The following CCDC3 variants were observed in gnomAD, a reference collection of about 807,000 sequenced individuals.
CCDC3 encodes coiled-coil domain containing 3, also known as coiled-coil domain-containing protein 3.
Under a neutral mutation model 21.4 loss-of-function variants are expected in CCDC3, and 24 were observed. The observed-to-expected ratio is 1.12, with a 90% confidence interval of 0.81 to 1.58. The LOEUF is 1.58. Ranked by LOEUF, CCDC3 falls within the 40% of genes most tolerant of loss-of-function variation. The pLI, the probability that CCDC3 is intolerant of heterozygous loss-of-function variation, is 0.00. For synonymous variants in CCDC3, 186 were observed against 166.0 expected, an observed-to-expected ratio of 1.12 and a Z score of -0.93; for missense variants, 425 against 360.9, an observed-to-expected ratio of 1.18 and a Z score of -1.44.
At chr10:12,997,231 G>A (rs1835775029) in intron 2 of CCDC3, among the ~76,000 whole-genome samples, 1 of 112,824 alleles carries the variant, frequency 8.9e-6, no homozygotes, top group Admixed American at 1.0e-4. Context: ...GTGCAAATGG[G>A]TTCGTTAATG....
chr10:12,909,064 A>G (rs1834223128), intron 2 of CCDC3, among the ~76,000 whole-genome samples: 1 of 152,126 alleles, frequency 6.6e-6, no homozygotes, highest in Admixed American at 6.6e-5. Context: ...GTATCCTTGG[A>G]CACTCATGGT....
At chr10:12,947,234 G>A (rs563712176) in intron 2 of CCDC3, among the ~76,000 whole-genome samples, 1 of 151,590 alleles carries the variant, frequency 6.6e-6, no homozygotes, top group South Asian at 2.1e-4. Flanking sequence ...AGGAACTTCT[G>A]CCTCCCAGGT....
chr10:12,953,978 C>T (rs560049708), intron 2 of CCDC3, among the ~76,000 whole-genome samples: 1 of 152,252 alleles, frequency 6.6e-6, no homozygotes, highest in African/African-American at 2.4e-5. Flanking sequence ...TAGTAAACAA[C>T]TGAGCATGGC....
At chr10:12,935,850 G>GCTTCACAGGTTCCACAGGTTCAAA (rs1564290048) in intron 2 of CCDC3, among the ~76,000 whole-genome samples, 5 of 152,064 alleles carry the variant, frequency 3.3e-5, no homozygotes, top group Admixed American at 1.3e-4. Flanking sequence ...ACACTTTCAA[G>GCTTCACAGGTTCCACAGGTTCAAA]TAACACTACA....
chr10:13,034,379 T>A (rs879807196), intron 5 of CCDC3, among the ~76,000 whole-genome samples: 1 of 151,308 alleles, frequency 6.6e-6, no homozygotes, highest in African/African-American at 2.4e-5. Flanking sequence ...CATTAGGAGA[T>A]ATACCTAATG....
chr10:13,078,419 A>C (rs1836992032), intron 3 of CCDC3, among the ~76,000 whole-genome samples: 1 of 152,250 alleles, frequency 6.6e-6, no homozygotes, highest in Admixed American at 6.5e-5. Context: ...GTGGGACTGT[A>C]AACTAGTTCA....
intron 5 of CCDC3, among the ~76,000 whole-genome samples, chr10:13,015,166 T>C (rs1046897039): frequency 6.6e-6 from 1 of 152,080 alleles, no homozygotes; most frequent in Non-Finnish European, 1.5e-5. Flanking sequence ...TAGCTATTGG[T>C]CATTCACTTT....
chr10:12,920,366 C>T (rs1177678501), intron 2 of CCDC3, among the ~76,000 whole-genome samples: 1 of 152,152 alleles, frequency 6.6e-6, no homozygotes, highest in Non-Finnish European at 1.5e-5. Flanking sequence ...TGTGGCAGTA[C>T]AATTCAAGAT....
intron 5 of CCDC3, among the ~76,000 whole-genome samples, chr10:13,044,887 G>C (rs767423407): frequency 1.3e-5 from 2 of 152,074 alleles, no homozygotes; most frequent in Non-Finnish European, 2.9e-5. Flanking sequence ...GGGCAGTATG[G>C]CCATTTAACA....
chr10:13,073,208 C>G (rs1031731794), intron 4 of CCDC3, among the ~76,000 whole-genome samples: 1 of 152,026 alleles, frequency 6.6e-6, no homozygotes, highest in Non-Finnish European at 1.5e-5. Context: ...TGCAATAGTT[C>G]CTAAGAAAAA....
intron 4 of CCDC3, among the ~76,000 whole-genome samples, chr10:13,057,372 A>G (rs1321284778): frequency 6.6e-6 from 1 of 152,136 alleles, no homozygotes; most frequent in Admixed American, 6.5e-5. Flanking sequence ...GCTCCAACCC[A>G]GTTCCATAGT....
At chr10:13,027,916 C>T (rs950793034) in intron 5 of CCDC3, among the ~76,000 whole-genome samples, 2 of 152,038 alleles carry the variant, frequency 1.3e-5, no homozygotes, top group African/African-American at 4.8e-5. Flanking sequence ...AATATAGATC[C>T]CACATCCTAT....
At chr10:13,000,241 T>C (rs1428889900) in intron 1 of CCDC3, among the ~76,000 whole-genome samples, 1 of 152,230 alleles carries the variant, frequency 6.6e-6, no homozygotes, top group Non-Finnish European at 1.5e-5. Flanking sequence ...TCCATTTTGA[T>C]GTTTTTCTCA....
chr10:13,088,446 CAG>C (rs1218481781), intron 3 of CCDC3, among the ~76,000 whole-genome samples: 3 of 152,186 alleles, frequency 2.0e-5, no homozygotes, highest in Non-Finnish European at 4.4e-5. Flanking sequence ...CCAAATCCAG[CAG>C]AGTCAATATC....
intron 4 of CCDC3, among the ~76,000 whole-genome samples, chr10:13,055,077 C>T (rs1486084996): frequency 2.0e-5 from 3 of 152,196 alleles, no homozygotes; most frequent in Admixed American, 2.0e-4. Context: ...AAGTGGAGTT[C>T]AGCTGGGGCC....
chr10:13,047,293 C>T (rs891166540), intron 5 of CCDC3, among the ~76,000 whole-genome samples: 17 of 152,292 alleles, frequency 1.1e-4, no homozygotes, highest in African/African-American at 3.9e-4. Context: ...TTTGAAAAGT[C>T]CCCATTAAAC....
At chr10:12,965,712 C>T (rs1835253114) in intron 2 of CCDC3, among the ~76,000 whole-genome samples, 1 of 152,194 alleles carries the variant, frequency 6.6e-6, no homozygotes, top group Non-Finnish European at 1.5e-5. Context: ...CTTCTTTTCT[C>T]ATGTAATCAT....
chr10:12,931,071 C>T (rs888234794), intron 2 of CCDC3, among the ~76,000 whole-genome samples: 1 of 151,962 alleles, frequency 6.6e-6, no homozygotes, highest in Admixed American at 6.6e-5. Context: ...ATTAGCTGGA[C>T]ATGGTGGCCT....
chr10:13,085,874 G>A (rs991886237), intron 3 of CCDC3, among the ~76,000 whole-genome samples: 8 of 152,000 alleles, frequency 5.3e-5, no homozygotes, highest in African/African-American at 1.9e-4. Flanking sequence ...GGTTGAGGCA[G>A]GAGAATCACT....
Sources: allele counts gnomAD v4.1 joint callset (sites outside exome capture counted in the v4.1 genomes callset), GRCh38; gene constraint gnomAD v4.1.1; transcripts MANE v1.5; gene names NCBI Gene and HGNC (gene_info 2026-07-23, HGNC 2026-07-21).